ARHGAP32: variants seen among roughly 807,000 people sequenced by gnomAD.
ARHGAP32 encodes rho GTPase-activating protein 32.
ARHGAP32 carries 51 observed loss-of-function variants against 186.5 expected under a neutral mutation model. The observed-to-expected ratio is 0.27, with a 90% CI of 0.22 to 0.35. ARHGAP32 has a LOEUF of 0.35. Among genes scored for constraint, ARHGAP32 ranks in the 10% least tolerant of loss-of-function variants. ARHGAP32 has a pLI of 1.00. For synonymous variants in ARHGAP32, 950 were observed against 964.3 expected, an observed-to-expected ratio of 0.99 and a Z score of 0.27; for missense variants, 2,186 against 2,623.5, an observed-to-expected ratio of 0.83 and a Z score of 3.64.
At chr11:129,238,756 A>C (rs201639176) in intron 1 of ARHGAP32, among the ~76,000 whole-genome samples, 16 of 148,392 alleles carry the variant, frequency 1.1e-4, no homozygotes, top group Non-Finnish European at 1.8e-4. Flanking sequence ...ACTTATTTTA[A>C]ACACACACAC....
chr11:129,211,611 G>A (rs1318710903), intron 1 of ARHGAP32, among the ~76,000 whole-genome samples: 1 of 152,088 alleles, frequency 6.6e-6, no homozygotes, highest in Non-Finnish European at 1.5e-5. Context: ...TCCTAAACTT[G>A]ACCAGGCATC....
intron 1 of ARHGAP32, among the ~76,000 whole-genome samples, chr11:129,165,688 T>C (rs551845548): frequency 6.6e-6 from 1 of 150,712 alleles, no homozygotes; most frequent in South Asian, 2.2e-4. Flanking sequence ...GACTTTAAAA[T>C]GGCATTTGTG....
intron 12 of ARHGAP32, among the ~76,000 whole-genome samples, chr11:128,995,212 A>T (rs1238949844): frequency 6.6e-6 from 1 of 151,920 alleles, no homozygotes; most frequent in Non-Finnish European, 1.5e-5. Flanking sequence ...AACTTATTTT[A>T]TTTATTTATT....
intron 1 of ARHGAP32, among the ~76,000 whole-genome samples, chr11:129,178,848 A>C (rs1943982515): frequency 6.6e-6 from 1 of 151,634 alleles, no homozygotes; most frequent in Non-Finnish European, 1.5e-5. Context: ...CCCTAGAAGA[A>C]AACCTAGGCA....
intron 16 of ARHGAP32, 36 bp from the exon 17 acceptor site, chr11:128,981,597 G>A (rs372905087): frequency 1.3e-6 from 2 of 1,580,400 alleles, no homozygotes; most frequent in African/African-American, 2.7e-5. Context: ...GAGTTGTAAA[G>A]ATAGCAGTCG....
chr11:129,258,462 G>A (rs4245085), intron 1 of ARHGAP32, among the ~76,000 whole-genome samples: 132,165 of 152,038 alleles, frequency 0.87, 57,664 homozygotes, highest in African/African-American at 0.94. Context: ...TGCCTGCCAC[G>A]TCCCTCTTTT....
At position 129,123,943 on chromosome 11, in the gene ARHGAP32, G is replaced by A; in HGVS notation, c.318-14C>T. The A allele has an allele frequency of 7.8e-7, 1 of 1,288,936 alleles. No individual in the cohort carries two copies. Among genetic ancestry groups the A allele is most frequent in the Non-Finnish European group, 1.0e-6 (1 of 988,634 alleles). 79.8% of individuals were successfully genotyped at this position (1,288,936 alleles called of 1,614,324 possible). On this transcript the variant is annotated splice_polypyrimidine_tract_variant and intron_variant, in intron 3 of 22. Coordinates refer to ENST00000682385, the MANE Select transcript of ARHGAP32 (RefSeq NM_001378024.1). This position sits in a 1 kb window ranked among gnomAD's most constrained non-coding sequence, Gnocchi z 4.6. Reference sequence around the variant, plus strand: ...GGAGTGGTGGACCTGAACGCAGAATGAACATTTTTATCCTTGTCTTTCCTC... The same window carrying A: ...GGAGTGGTGGACCTGAACGCAGAATAAACATTTTTATCCTTGTCTTTCCTC...
chr11:129,160,165 G>A (rs1324150078), intron 2 of ARHGAP32, among the ~76,000 whole-genome samples: 1 of 152,108 alleles, frequency 6.6e-6, no homozygotes, highest in African/African-American at 2.4e-5. Context: ...GGCAAAAGCT[G>A]GAAGCATTCC....
Position 128,978,916 on chromosome 11 carries a change from C to A in ARHGAP32, c.1977-1G>T. The A allele has an allele frequency of 1.3e-6, 2 of 1,595,034 alleles. No individual in the cohort carries two copies. The highest frequency in any genetic ancestry group is 1.7e-6 in the Non-Finnish European group (2 of 1,174,242). ...TTTCATCTTATTTTGAGGCCTCTTT[C>A]TATGAAAGAGAAAAAATAATCAACA... On this transcript the variant is annotated splice_acceptor_variant, in intron 18 of 22. Transcript: ENST00000682385. LOFTEE classifies it high-confidence loss of function.
At chr11:129,269,225 C>T (rs534167706) in intron 1 of ARHGAP32, among the ~76,000 whole-genome samples, 14 of 152,174 alleles carry the variant, frequency 9.2e-5, no homozygotes, top group Middle Eastern at 6.8e-3. Context: ...GAGCTGAGAT[C>T]GCACCACTGC....
intron 10 of ARHGAP32, among the ~76,000 whole-genome samples, chr11:129,059,109 CT>C (rs1388134674): frequency 6.6e-6 from 1 of 152,152 alleles, no homozygotes; most frequent in East Asian, 1.9e-4. Flanking sequence ...TGGTAGAAAA[CT>C]GACATGAAGA....
intron 1 of ARHGAP32, among the ~76,000 whole-genome samples, chr11:129,248,638 A>G (rs980134423): frequency 7.2e-5 from 11 of 152,162 alleles, no homozygotes; most frequent in African/African-American, 2.7e-4. Context: ...TAATACATAT[A>G]AACGTCATAA....
chr11:129,002,875 C>G (rs1937599675), intron 11 of ARHGAP32, among the ~76,000 whole-genome samples: 1 of 135,934 alleles, frequency 7.4e-6, no homozygotes, highest in Non-Finnish European at 1.5e-5. Context: ...GTGGCGCGAT[C>G]TCGGCTCACT....
intron 1 of ARHGAP32, among the ~76,000 whole-genome samples, chr11:129,266,137 A>T (rs761810089): frequency 1.3e-5 from 2 of 152,212 alleles, no homozygotes; most frequent in Non-Finnish European, 2.9e-5. Flanking sequence ...AAAAAAAGGT[A>T]CACGGAACAC....
intron 15 of ARHGAP32, among the ~76,000 whole-genome samples, chr11:128,983,498 G>A (rs1365633317): frequency 2.0e-5 from 3 of 151,316 alleles, no homozygotes; most frequent in South Asian, 2.1e-4. Context: ...CTGTTGTGGG[G>A]TGGGGGGAAG....
chr11:129,243,822 AC>A (rs1945051730), intron 1 of ARHGAP32, among the ~76,000 whole-genome samples: 1 of 151,946 alleles, frequency 6.6e-6, no homozygotes. Flanking sequence ...CATCTTCTCC[AC>A]CCCCACAAGC....
chr11:129,095,939 A>T (rs1432388635), intron 5 of ARHGAP32, among the ~76,000 whole-genome samples: 1 of 152,240 alleles, frequency 6.6e-6, no homozygotes, highest in South Asian at 2.1e-4. Context: ...CCTTAACTTC[A>T]AAATATTTAA....
In ARHGAP32 at chr11:128,971,090, A is replaced by G. The variant is rs1343085252; in HGVS notation, c.4123T>C (p.Phe1375Leu). The G allele has an allele frequency of 6.2e-7, 1 of 1,614,236 alleles. No individual in the cohort carries two copies. The highest frequency in any genetic ancestry group is 1.1e-5 in the South Asian group (1 of 91,082). ...GCAGCAGCACCACTGTCACTGATGA[A>G]GGCAGACGCAGGGTCATCCATGGCT... ...PRAMDDPASAFISDSGAAAAQ... is the reference protein window; with the variant it reads ...PRAMDDPASALISDSGAAAAQ... The change falls in exon 23 of 23, where the codon TTC (phenylalanine) becomes CTC (leucine). Residue 1375 changes from phenylalanine (F) to leucine (L), a missense_variant. Physicochemically the swap from Phe to Leu is conservative, Grantham distance 22. This residue lies in a region of ARHGAP32 where 1,502 missense variants were observed against 1,570.0 expected (regional missense o/e 0.96). Transcript: ENST00000682385.
chr11:129,100,311 G>A (rs1941856997), intron 5 of ARHGAP32, among the ~76,000 whole-genome samples: 1 of 152,202 alleles, frequency 6.6e-6, no homozygotes, highest in Non-Finnish European at 1.5e-5. Flanking sequence ...ATCCCTTGGT[G>A]TGCTGGCCTC....
Sources: gnomAD v4.1 joint callset for allele counts (sites outside exome capture counted in the v4.1 genomes callset) on GRCh38, gnomAD v4.1.1 for gene constraint, gnomAD v4.1.1 regional missense constraint, Gnocchi (gnomAD v3.1) non-coding constraint, MANE v1.5 for transcripts, NCBI Gene and HGNC (gene_info 2026-07-23, HGNC 2026-07-21) for gene names.